Variants in CRYBG1 observed in about 807,000 individuals in gnomAD.
CRYBG1 encodes the protein crystallin beta-gamma domain containing 1, also known as beta/gamma crystallin domain-containing protein 1.
CRYBG1 carries 139 observed loss-of-function variants against 189.2 expected under a neutral mutation model. That is an observed-to-expected ratio of 0.73 (90% CI 0.64 to 0.85). The LOEUF is 0.85. CRYBG1 is among the 40% of genes least tolerant of loss of function. CRYBG1 has a pLI of 0.00. For missense variants in CRYBG1, 2,611 were observed against 2,675.8 expected (o/e 0.98, Z 0.53); for synonymous variants, 1,023 against 1,017.1 (o/e 1.01, Z -0.11).
chr6:106,428,083 C>G (rs1403644267), intron 1 of CRYBG1, among the ~76,000 whole-genome samples: 2 of 152,192 alleles, frequency 1.3e-5, no homozygotes, highest in African/African-American at 4.8e-5. Flanking sequence ...CCTGAAGCCA[C>G]TTCATTTTTC....
In CRYBG1 at chr6:106,436,295, C is replaced by CT. The variant is rs56333625; in HGVS notation, c.174-15378dup. ...ATGTAACATCGTTGACATGCAATCT[C>CT]TTTTTTTTTTTTTTTTTTTTTGAGA... On this transcript the variant is annotated intron_variant, in intron 1 of 21. Transcript: ENST00000633556. 2.6e-3 allele frequency among the ~76,000 whole-genome samples: 359 copies of CT among 139,650 alleles called. 1 individual carries two copies. The highest frequency in any genetic ancestry group is 3.7e-3 in the Middle Eastern group (1 of 270). The allele number at this position is 139,650 out of a possible 152,430, so 91.6% of individuals were successfully genotyped here. A position where few individuals can be genotyped will look rare whatever the true frequency, so the allele number is the denominator to read the frequency against.
chr6:106,556,887 G>A (rs1274785110), intron 17 of CRYBG1, among the ~76,000 whole-genome samples: 1 of 152,144 alleles, frequency 6.6e-6, no homozygotes, highest in Non-Finnish European at 1.5e-5. Flanking sequence ...TACAAGTAAT[G>A]AATAAGACTT....
chr6:106,378,407 A>G (rs1288499677), intron 1 of CRYBG1, among the ~76,000 whole-genome samples: 2 of 152,202 alleles, frequency 1.3e-5, no homozygotes, highest in African/African-American at 4.8e-5. Context: ...CATCACTGCC[A>G]CTGCTCAGGG....
intron 2 of CRYBG1, among the ~76,000 whole-genome samples, chr6:106,494,182 A>G (rs746205293): frequency 1.3e-5 from 2 of 151,852 alleles, no homozygotes; most frequent in Non-Finnish European, 2.9e-5. Flanking sequence ...AGTCAAACTC[A>G]GAGTCAGAAA....
Position 106,516,882 on chromosome 6 carries a change from T to C in CRYBG1, c.1923-2249T>C, listed in dbSNP as rs527884836. ...AACTTCCTCAGCCAAAAATAGAATGTATAAAGTCGTATATTAATTAAGTAA... is the reference window on the plus strand; with the variant it reads ...AACTTCCTCAGCCAAAAATAGAATGCATAAAGTCGTATATTAATTAAGTAA... On this transcript the variant is annotated intron_variant, in intron 3 of 21. Transcript: ENST00000633556. Among the ~76,000 whole-genome samples the C allele has an allele frequency of 5.9e-5, 9 of 152,232 alleles. No individual in the cohort carries two copies. The South Asian group carries it at 1.7e-3, about 28-fold the overall frequency.
chr6:106,451,612 T>A, intron 1 of CRYBG1, 82 bp from the exon 2 acceptor site: 1 of 1,265,922 alleles, frequency 7.9e-7, no homozygotes, highest in Non-Finnish European at 1.1e-6. Flanking sequence ...TATTAATACA[T>A]GGAGAAATAT....
rs1369650803 is a variant in CRYBG1 at position 106,375,421 on chromosome 6, G to GTAAGTAAA, written c.173+14343_173+14344insGTAAATAA. Among the ~76,000 whole-genome samples, 703 of 125,344 alleles carry GTAAGTAAA rather than the reference G, an allele frequency of 5.6e-3. 9 individuals are homozygous for GTAAGTAAA. Among genetic ancestry groups the GTAAGTAAA allele is most frequent in the African/African-American group, 0.026 (669 of 25,504 alleles). The allele number at this position is 125,344 out of a possible 152,430, so 82.2% of individuals were successfully genotyped here. On this transcript the variant is annotated intron_variant, in intron 1 of 21. Coordinates refer to ENST00000633556, the MANE Select transcript of CRYBG1 (RefSeq NM_001371242.2). The stretch of plus-strand genomic sequence containing the variant: ...AGTAAGTAAGTAAGTAAGTAAGTAA[G>GTAAGTAAA]TAAATAAATAAATAAATAAATAAAT...
Position 106,527,319 on chromosome 6 carries a change from A to G in CRYBG1, c.4427A>G (p.Glu1476Gly). 6.2e-7 allele frequency: 1 copy of G among 1,611,326 alleles called. No homozygotes were observed. Among genetic ancestry groups the G allele is most frequent in the Non-Finnish European group, 8.5e-7 (1 of 1,178,646 alleles). ...TTTATTGTTAGTTGGATTTTGTATG[A>G]GCAACCAAATTTTGAAGGGCACTCC... is the stretch of plus-strand genomic sequence containing the variant. ...KVVRGCWILY[E>G]QPNFEGHSIP... is the part of the protein sequence containing the mutation. Residue 1476 changes from glutamate to glycine, a missense_variant, in exon 7 of 22, where the codon GAG becomes GGG. Around this residue, in one of 3 missense-constraint regions of CRYBG1, gnomAD observed 1,622 missense variants for 1,735.0 expected, o/e 0.93. Transcript: ENST00000633556.
At chr6:106,364,892 T>C (rs762165056) in intron 1 of CRYBG1, among the ~76,000 whole-genome samples, 6 of 152,148 alleles carry the variant, frequency 3.9e-5, no homozygotes, top group Admixed American at 6.5e-5. Context: ...ATCATAAGAG[T>C]TGTTATAAAA....
At chr6:106,408,868 T>C (rs1770873531) in intron 1 of CRYBG1, among the ~76,000 whole-genome samples, 1 of 152,190 alleles carries the variant, frequency 6.6e-6, no homozygotes, top group African/African-American at 2.4e-5. Flanking sequence ...TGATGGAACA[T>C]ATCTCAAAAT....
chr6:106,498,438 C>T (rs1388754027), intron 2 of CRYBG1, among the ~76,000 whole-genome samples: 2 of 152,018 alleles, frequency 1.3e-5, no homozygotes, highest in Admixed American at 1.3e-4. Flanking sequence ...TGATCCAATC[C>T]CATTAGGAAT....
chr6:106,407,517 A>G (rs971110469), intron 1 of CRYBG1, among the ~76,000 whole-genome samples: 1 of 151,956 alleles, frequency 6.6e-6, no homozygotes, highest in Non-Finnish European at 1.5e-5. Context: ...ACTCGAACTC[A>G]GCTCTGGACC....
At chr6:106,567,325 A>G (rs537660925) in intron 21 of CRYBG1, among the ~76,000 whole-genome samples, 28 of 152,196 alleles carry the variant, frequency 1.8e-4, no homozygotes, top group Admixed American at 1.6e-3. Context: ...AAAACACCTT[A>G]CCCTTGTATT....
At chr6:106,463,497 AG>A (rs1772054321) in intron 2 of CRYBG1, among the ~76,000 whole-genome samples, 1 of 152,192 alleles carries the variant, frequency 6.6e-6, no homozygotes, top group Admixed American at 6.5e-5. Flanking sequence ...TTTCCCTCTC[AG>A]GGTGCTGATT....
At chr6:106,551,512 G>A (rs1770725) in intron 13 of CRYBG1, among the ~76,000 whole-genome samples, 16 of 152,086 alleles carry the variant, frequency 1.1e-4, no homozygotes. Context: ...AGAATAATTC[G>A]TTTTCCCCTG....
intron 1 of CRYBG1, among the ~76,000 whole-genome samples, chr6:106,379,540 C>T (rs1003438739): frequency 6.6e-6 from 1 of 152,054 alleles, no homozygotes; most frequent in Non-Finnish European, 1.5e-5. Context: ...GGATTACAGG[C>T]GTGAGCCACC....
At chr6:106,507,974 C>T (rs1021358393) in intron 2 of CRYBG1, among the ~76,000 whole-genome samples, 6 of 152,150 alleles carry the variant, frequency 3.9e-5, no homozygotes, top group African/African-American at 9.7e-5. Context: ...TGGCTGGGTA[C>T]GGTGGCTCAC....
At position 106,360,849 on chromosome 6, in the gene CRYBG1, A is replaced by G. The variant is rs999311922; in HGVS notation, c.-60A>G. 6.4e-5 allele frequency: 94 copies of G among 1,466,784 alleles called. No individual in the cohort carries two copies. In the African/African-American group the frequency reaches 1.3e-3, roughly 20 times the overall value. The allele number at this position is 1,466,784 out of a possible 1,614,324, so 90.9% of individuals were successfully genotyped here. ...CTGGCGCTCAGGTGTGTTCTTCCATAGGGCCCGGGCGGCAGAGAGGACCGC... is the reference window on the plus strand; with the variant it reads ...CTGGCGCTCAGGTGTGTTCTTCCATGGGGCCCGGGCGGCAGAGAGGACCGC... On this transcript the variant is annotated 5_prime_UTR_variant, in exon 1 of 22. The change creates a new upstream start codon in the 5' untranslated region. Transcript: ENST00000633556.
intron 2 of CRYBG1, among the ~76,000 whole-genome samples, chr6:106,486,015 T>C (rs986952115): frequency 6.6e-6 from 1 of 152,154 alleles, no homozygotes; most frequent in Non-Finnish European, 1.5e-5. Flanking sequence ...GTTTATTTTG[T>C]TCTGTTCTTC....
Sources: gnomAD v4.1 joint callset for allele counts (sites outside exome capture counted in the v4.1 genomes callset) on GRCh38, gnomAD v4.1.1 for gene constraint, gnomAD v4.1.1 regional missense constraint, MANE v1.5 for transcripts, NCBI Gene and HGNC (gene_info 2026-07-23, HGNC 2026-07-21) for gene names.